Variants in ASCC3 observed in about 807,000 individuals in gnomAD.
ASCC3 encodes ASC-1 complex subunit P200.
ASCC3 carries 158 observed loss-of-function variants against 256.3 expected under a neutral mutation model. That is an observed-to-expected ratio of 0.62 (90% CI 0.54 to 0.70). The LOEUF is 0.70. Ranked by LOEUF, ASCC3 falls within the 30% of genes least tolerant of loss-of-function variation. The probability of loss-of-function intolerance (pLI) is 0.00; values close to 1 mark genes in which losing one functional copy is unlikely to be tolerated. For synonymous variants in ASCC3, 948 were observed against 883.4 expected (o/e 1.07, Z -1.30); for missense variants, 2,259 against 2,626.0 (o/e 0.86, Z 3.05).
intron 14 of ASCC3, among the ~76,000 whole-genome samples, chr6:100,677,090 A>T (rs1487161677): frequency 6.6e-6 from 1 of 152,170 alleles, no homozygotes; most frequent in East Asian, 1.9e-4. Context: ...CCATGATGAT[A>T]ATAGATCCCT....
intron 40 of ASCC3, among the ~76,000 whole-genome samples, chr6:100,511,342 C>T (rs966820339): frequency 6.6e-5 from 10 of 152,100 alleles, no homozygotes; most frequent in Non-Finnish European, 1.2e-4. Flanking sequence ...TGCTTAAACC[C>T]GGGAGGCGGA....
chr6:100,580,214 A>T (rs988827633), intron 36 of ASCC3, among the ~76,000 whole-genome samples: 1 of 152,118 alleles, frequency 6.6e-6, no homozygotes, highest in East Asian at 1.9e-4. Flanking sequence ...CAGAAAAGTT[A>T]ATAGTAACAC....
intron 25 of ASCC3, 78 bp from the exon 26 acceptor site, chr6:100,631,291 A>T: frequency 8.7e-7 from 1 of 1,148,692 alleles, no homozygotes; most frequent in Non-Finnish European, 1.3e-6. Context: ...ACTCCAAAAA[A>T]TTTGTCAAAA....
rs570928722 is a variant in ASCC3, at chr6:100,826,218, G to T, written c.802-20338C>A. On this transcript the variant is annotated intron_variant, in intron 4 of 41. Coordinates refer to ENST00000369162, the MANE Select transcript of ASCC3 (RefSeq NM_006828.4). Reference sequence around the variant, plus strand: ...GTGATCTTGGCTCACCGCAACCTCTGCCTCCCGGATTCAAGCAATTCTCCT... The same window carrying T: ...GTGATCTTGGCTCACCGCAACCTCTTCCTCCCGGATTCAAGCAATTCTCCT... Among the ~76,000 whole-genome samples, 736 of 151,852 alleles carry T rather than the reference G, an allele frequency of 4.8e-3. 9 individuals carry two copies. Among genetic ancestry groups the T allele is most frequent in the African/African-American group, 0.017 (713 of 41,428 alleles).
chr6:100,755,332 TA>T (rs1781128290), intron 10 of ASCC3, among the ~76,000 whole-genome samples: 1 of 151,782 alleles, frequency 6.6e-6, no homozygotes, highest in Non-Finnish European at 1.5e-5. Flanking sequence ...CTGTAATCTC[TA>T]TTATATATAT....
chr6:100,796,559 T>G (rs1419397837), intron 8 of ASCC3, among the ~76,000 whole-genome samples: 1 of 151,962 alleles, frequency 6.6e-6, no homozygotes, highest in Non-Finnish European at 1.5e-5. Context: ...ATAGGGCTGG[T>G]GAACCTGAAA....
intron 34 of ASCC3, among the ~76,000 whole-genome samples, chr6:100,598,373 C>T (rs543802336): frequency 4.3e-4 from 65 of 152,288 alleles, no homozygotes; most frequent in African/African-American, 1.4e-3. Flanking sequence ...CATTTATTTA[C>T]ATGGACTACA....
intron 13 of ASCC3, among the ~76,000 whole-genome samples, chr6:100,684,968 G>A (rs975631201): frequency 6.6e-5 from 10 of 151,692 alleles, no homozygotes; most frequent in Non-Finnish European, 1.2e-4. Context: ...CACCACGCCC[G>A]GCTAATTTTT....
At chr6:100,776,794 G>A (rs1582847279) in intron 8 of ASCC3, among the ~76,000 whole-genome samples, 2 of 151,952 alleles carry the variant, frequency 1.3e-5, no homozygotes, top group South Asian at 4.2e-4. Flanking sequence ...ATGAACCCAA[G>A]AACATGCTGT....
At chr6:100,510,176 A>C in intron 40 of ASCC3, 69 bp from the exon 41 acceptor site, 1 of 1,550,504 alleles carries the variant, frequency 6.4e-7, no homozygotes, top group East Asian at 2.2e-5. Flanking sequence ...GTTGTGGTTA[A>C]GGCTACGTTG....
rs543737763 is a variant in ASCC3 at position 100,631,482 on chromosome 6, G to GC, written c.4123-270dup. 5.6e-4 allele frequency among the ~76,000 whole-genome samples: 85 copies of GC among 151,660 alleles called. 1 individual carries two copies. The highest frequency in any genetic ancestry group is 2.0e-3 in the African/African-American group (81 of 41,416). On this transcript the variant is annotated intron_variant, in intron 25 of 41. Transcript: ENST00000369162. ...ATGAATTTAAATTACTTTTAAAAAA[G>GC]CATCAGAGGTATTTTCCTCAGGCAT... is the stretch of plus-strand genomic sequence containing the variant.
intron 30 of ASCC3, among the ~76,000 whole-genome samples, chr6:100,620,188 C>A (rs1773877279): frequency 6.6e-6 from 1 of 152,156 alleles, no homozygotes. Context: ...GCATTCAACT[C>A]TTTCTATCTT....
intron 8 of ASCC3, among the ~76,000 whole-genome samples, chr6:100,798,184 G>T (rs1769727645): frequency 6.6e-6 from 1 of 151,870 alleles, no homozygotes; most frequent in African/African-American, 2.4e-5. Context: ...CTAAACTAAG[G>T]AATATTATAT....
intron 1 of ASCC3, among the ~76,000 whole-genome samples, chr6:100,872,559 T>C (rs1187040381): frequency 6.6e-6 from 1 of 152,054 alleles, no homozygotes; most frequent in Non-Finnish European, 1.5e-5. Context: ...TGTAAACTCT[T>C]GCTCCAGAAT....
chr6:100,639,508 G>A (rs1429772359), intron 24 of ASCC3, among the ~76,000 whole-genome samples: 1 of 152,118 alleles, frequency 6.6e-6, no homozygotes, highest in African/African-American at 2.4e-5. Flanking sequence ...AAAGGTATCA[G>A]TTAGAAAACC....
intron 1 of ASCC3, among the ~76,000 whole-genome samples, chr6:100,879,415 T>G (rs1350231211): frequency 6.6e-6 from 1 of 152,170 alleles, no homozygotes; most frequent in Non-Finnish European, 1.5e-5. Flanking sequence ...CTTCTAATAA[T>G]TCCTTGACCT....
At chr6:100,821,695 G>A (rs60343181) in intron 4 of ASCC3, among the ~76,000 whole-genome samples, 2 of 151,830 alleles carry the variant, frequency 1.3e-5, no homozygotes, top group African/African-American at 2.4e-5. Flanking sequence ...GTGGTGGCAC[G>A]AGCCTGTAAT....
chr6:100,733,693 A>G (rs1434276351), intron 10 of ASCC3, among the ~76,000 whole-genome samples: 9 of 152,216 alleles, frequency 5.9e-5, no homozygotes, highest in Admixed American at 5.9e-4. Context: ...TGCAACAGCA[A>G]CCTCATGAGA....
chr6:100,871,803 G>T (rs921169828), intron 1 of ASCC3, among the ~76,000 whole-genome samples: 5 of 152,130 alleles, frequency 3.3e-5, no homozygotes, highest in Non-Finnish European at 5.9e-5. Flanking sequence ...CTTTCTCAAT[G>T]GGGGTCTGTA....
Sources: gnomAD v4.1 joint callset for allele counts (sites outside exome capture counted in the v4.1 genomes callset) on GRCh38, gnomAD v4.1.1 for gene constraint, MANE v1.5 for transcripts, NCBI Gene and HGNC (gene_info 2026-07-23, HGNC 2026-07-21) for gene names.